JADE3: variants seen among roughly 807,000 people sequenced by gnomAD.
The protein encoded by JADE3 is protein Jade-3.
Under a neutral mutation model 50.1 loss-of-function variants are expected in JADE3, and 2 were observed. The ratio of observed to expected loss-of-function variants is 0.04; its 90% CI spans 0.02 to 0.13. JADE3 has a LOEUF of 0.13. Ranked by LOEUF, JADE3 falls within the 10% of genes least tolerant of loss-of-function variation. The pLI is 1.00. For missense variants in JADE3, 475 were observed against 634.4 expected, an observed-to-expected ratio of 0.75 and a Z score of 2.70; for synonymous variants, 218 against 232.9, an observed-to-expected ratio of 0.94 and a Z score of 0.58.
chrX:46,931,222 C>T (rs1926481591), intron 1 of JADE3, among the ~76,000 whole-genome samples: 1 of 110,914 alleles, frequency 9.0e-6, no homozygotes, highest in South Asian at 3.8e-4. Flanking sequence ...TTTCTCATTG[C>T]CAGCATATCT....
chrX:47,003,656 TATTA>T (rs1252661182), intron 4 of JADE3, among the ~76,000 whole-genome samples: 11 of 100,671 alleles, frequency 1.1e-4, no homozygotes, highest in East Asian at 2.9e-4. Context: ...TTTATATATA[TATTA>T]ATTATATATT....
intron 1 of JADE3, among the ~76,000 whole-genome samples, chrX:46,942,406 TTC>T (rs1926781188): frequency 8.9e-6 from 1 of 112,047 alleles, no homozygotes; most frequent in African/African-American, 3.2e-5. Context: ...AAGGTAAGGG[TTC>T]AGTTTCTTCG....
chrX:46,957,381 A>G (rs1927156943), intron 1 of JADE3, among the ~76,000 whole-genome samples: 1 of 112,294 alleles, frequency 8.9e-6, no homozygotes, highest in Non-Finnish European at 1.9e-5. Flanking sequence ...TTTTCTATTA[A>G]TCTTTGCATA....
At chrX:47,006,310 G>T (rs980615593) in intron 4 of JADE3, among the ~76,000 whole-genome samples, 5 of 110,146 alleles carry the variant, frequency 4.5e-5, no homozygotes, top group African/African-American at 1.7e-4. Flanking sequence ...TAGAGACAGG[G>T]TCTTACTCTG....
intron 8 of JADE3, among the ~76,000 whole-genome samples, chrX:47,045,146 C>T (rs782299123): frequency 9.0e-6 from 1 of 111,354 alleles, no homozygotes; most frequent in Non-Finnish European, 1.9e-5. Context: ...TGAATCAATA[C>T]AAAAAACAAG....
chrX:46,967,019 A>G (rs1337299389), intron 1 of JADE3, among the ~76,000 whole-genome samples: 1 of 112,283 alleles, frequency 8.9e-6, no homozygotes, highest in Non-Finnish European at 1.9e-5. Flanking sequence ...CTGTGTAGAA[A>G]GATACATTGG....
At chrX:46,933,880 A>T (rs1486625228) in intron 1 of JADE3, among the ~76,000 whole-genome samples, 2 of 111,889 alleles carry the variant, frequency 1.8e-5, no homozygotes, top group Non-Finnish European at 3.8e-5. Context: ...AAAAAAAAAA[A>T]AATGCTGGGC....
chrX:47,058,599 A>G lies in JADE3; in HGVS notation c.1994A>G (p.Lys665Arg), dbSNP rs1288148805. The G allele has an allele frequency of 5.0e-6, 6 of 1,209,317 alleles. No homozygotes were observed. The highest frequency in any genetic ancestry group is 5.6e-6 in the Non-Finnish European group (5 of 894,980). Residue 665 changes from lysine to arginine, a missense_variant, in exon 11 of 11, where the codon AAA becomes AGA. This residue lies in a region of JADE3 where 243 missense variants were observed against 238.2 expected (regional missense o/e 1.02). Coordinates refer to ENST00000614628, the MANE Select transcript of JADE3 (RefSeq NM_014735.5). ...AGTCAGCCTAACTCCAAGTTTGCCAAATCCAATGGCCTGGAGGGCAGCTGG... is the reference window on the plus strand; with the variant it reads ...AGTCAGCCTAACTCCAAGTTTGCCAGATCCAATGGCCTGGAGGGCAGCTGG... The part of the protein sequence containing the change: ...GKSQPNSKFA[K>R]SNGLEGSWSG...
intron 1 of JADE3, among the ~76,000 whole-genome samples, chrX:46,957,764 G>A (rs1205372018): frequency 5.3e-5 from 6 of 112,252 alleles, no homozygotes; most frequent in Admixed American, 3.8e-4. Flanking sequence ...TATCCTGATT[G>A]ATTATAGACC....
intron 1 of JADE3, among the ~76,000 whole-genome samples, chrX:46,948,608 G>A (rs1349724737): frequency 1.8e-5 from 2 of 111,950 alleles, no homozygotes; most frequent in Admixed American, 1.9e-4. Flanking sequence ...TGTCAAAGAG[G>A]GAAAGCCTTA....
intron 4 of JADE3, among the ~76,000 whole-genome samples, chrX:47,021,509 A>G (rs1928792131): frequency 9.0e-6 from 1 of 111,440 alleles, no homozygotes; most frequent in Non-Finnish European, 1.9e-5. Flanking sequence ...GTTCAGCTAT[A>G]ATATCTGCTG....
rs782659351 is a variant in JADE3 at position 47,015,940 on chromosome X, A to G, written c.285-8784A>G. On this transcript the variant is annotated intron_variant, in intron 4 of 10. Transcript: ENST00000614628. Reference sequence around the variant, plus strand: ...TATTTTTCGCACATGTCTCCATCCAATGTGGGTTTGAATGTGGATCCCCTC... The same window carrying G: ...TATTTTTCGCACATGTCTCCATCCAGTGTGGGTTTGAATGTGGATCCCCTC... Among the ~76,000 whole-genome samples, 7 of 110,409 alleles carry G rather than the reference A, an allele frequency of 6.3e-5. No individual in the cohort carries two copies. The South Asian group carries it at 2.3e-3, about 37-fold the overall frequency.
chrX:47,018,426 C>T (rs142379136), intron 4 of JADE3, among the ~76,000 whole-genome samples: 6,431 of 109,652 alleles, frequency 0.059, 473 homozygotes, highest in African/African-American at 0.2. Flanking sequence ...CTCCGCCTCC[C>T]GGGTTCATGC....
intron 7 of JADE3, among the ~76,000 whole-genome samples, chrX:47,034,149 A>G (rs1248088567): frequency 9.0e-6 from 1 of 111,202 alleles, no homozygotes; most frequent in Non-Finnish European, 1.9e-5. Context: ...AGAATTTTTT[A>G]AGGTAAAACT....
Position 47,054,228 on chromosome X carries a change from C to G in JADE3, c.1043C>G (p.Thr348Ser). The G allele has an allele frequency of 8.3e-7, 1 of 1,209,741 alleles. No individual in the cohort carries two copies. Among genetic ancestry groups the G allele is most frequent in the Non-Finnish European group, 1.1e-6 (1 of 894,641 alleles). Reference protein sequence around the residue: ...CAFEHGLEMKTILDEGDEVKF... With the variant: ...CAFEHGLEMKSILDEGDEVKF... The stretch of plus-strand genomic sequence containing the variant: ...TTTGAGCACGGCCTAGAGATGAAGA[C>G]CATCCTAGATGAGGGAGACGAAGTG... The change falls in exon 9 of 11, where the codon ACC becomes AGC. Residue 348 changes from threonine to serine, a missense_variant. By Grantham distance (58) the Thr-to-Ser change is moderately conservative. This residue lies in a region of JADE3 where 81 missense variants were observed against 123.8 expected (regional missense o/e 0.65). Coordinates refer to ENST00000614628, the MANE Select transcript of JADE3 (RefSeq NM_014735.5).
Position 47,025,914 on chromosome X carries a change from C to T in JADE3, c.475+1000C>T, listed in dbSNP as rs941480680. Reference sequence around the variant, plus strand: ...CCTTTCTTTCTTTTGAGGCTAGTATCTGAATGCACATGAATAAAAAACTGA... The same window carrying T: ...CCTTTCTTTCTTTTGAGGCTAGTATTTGAATGCACATGAATAAAAAACTGA... On this transcript the variant is annotated intron_variant, in intron 5 of 10. Coordinates refer to ENST00000614628, the MANE Select transcript of JADE3 (RefSeq NM_014735.5). Among the ~76,000 whole-genome samples the T allele has an allele frequency of 1.1e-3, 122 of 111,885 alleles. 2 individuals carry two copies. The highest frequency in any genetic ancestry group is 3.8e-3 in the African/African-American group (117 of 30,900).
At chrX:47,009,628 T>C (rs1928511314) in intron 4 of JADE3, among the ~76,000 whole-genome samples, 1 of 108,774 alleles carries the variant, frequency 9.2e-6, no homozygotes, top group Non-Finnish European at 1.9e-5. Context: ...TTTTTTTTTT[T>C]TTCTTTTCAT....
chrX:47,005,891 T>TAGTTGTATAA (rs1928403866), intron 4 of JADE3, among the ~76,000 whole-genome samples: 1 of 111,745 alleles, frequency 8.9e-6, no homozygotes, highest in Non-Finnish European at 1.9e-5. Context: ...TACAACCACC[T>TAGTTGTATAA]GGTGGTAACA....
intron 4 of JADE3, 132 bp downstream of exon 4, chrX:46,998,409 C>T: frequency 1.8e-6 from 1 of 541,806 alleles, no homozygotes; most frequent in Non-Finnish European, 3.0e-6. Context: ...CCAATTCACT[C>T]AGACCAGTGG....
Sources: allele counts gnomAD v4.1 joint callset (sites outside exome capture counted in the v4.1 genomes callset), GRCh38; gene constraint gnomAD v4.1.1; regional missense constraint gnomAD v4.1.1; transcripts MANE v1.5; gene names NCBI Gene and HGNC (gene_info 2026-07-23, HGNC 2026-07-21).